Variants in DOCK2 observed in about 807,000 individuals in gnomAD.
The protein encoded by DOCK2 is dedicator of cytokinesis protein 2.
DOCK2 carries 87 observed loss-of-function variants against 248.9 expected under a neutral mutation model. The ratio of observed to expected loss-of-function variants is 0.35; its 90% CI spans 0.29 to 0.42. The LOEUF (loss-of-function observed/expected upper bound fraction) is 0.42. Among genes scored for constraint, DOCK2 ranks in the 10% least tolerant of loss-of-function variants. The probability of loss-of-function intolerance (pLI) is 1.00; values close to 1 mark genes in which losing one functional copy is unlikely to be tolerated. For missense variants in DOCK2, 1,747 were observed against 2,300.2 expected, an observed-to-expected ratio of 0.76 and a Z score of 4.92; for synonymous variants, 805 against 821.6, an observed-to-expected ratio of 0.98 and a Z score of 0.35.
intron 49 of DOCK2, 154 bp downstream of exon 49, chr5:170,079,300 G>C (rs1293856299): frequency 3.7e-6 from 4 of 1,087,134 alleles, no homozygotes; most frequent in Non-Finnish European, 5.2e-6. Flanking sequence ...GAGCTGAGAG[G>C]TGAAGTGCTT....
chr5:169,985,849 A>T lies in DOCK2; in HGVS notation c.2920A>T (p.Ile974Phe). 6.2e-7 allele frequency: 1 copy of T among 1,610,304 alleles called. No homozygotes were observed. The highest frequency in any genetic ancestry group is 8.5e-7 in the Non-Finnish European group (1 of 1,177,712). The stretch of plus-strand genomic sequence containing the variant: ...TCAGGACTTCTTGATGGAGACCTTC[A>T]TCATGTTCAAGGACCTCATTGGAAA... Reference protein sequence around the residue: ...ELVDFLMETFIMFKDLIGKNV... With the variant: ...ELVDFLMETFFMFKDLIGKNV... The change falls in exon 29 of 52, where the codon ATC becomes TTC. Residue 974 changes from isoleucine (I) to phenylalanine (F), a missense_variant. Around this residue, in one of 4 missense-constraint regions of DOCK2, gnomAD observed 858 missense variants for 1,183.5 expected, o/e 0.72. Coordinates refer to ENST00000520908, the MANE Select transcript of DOCK2 (RefSeq NM_004946.3).
At chr5:169,857,866 C>G (rs1177024862) in intron 27 of DOCK2, among the ~76,000 whole-genome samples, 1 of 151,914 alleles carries the variant, frequency 6.6e-6, no homozygotes, top group African/African-American at 2.4e-5. Context: ...TGCAGATATT[C>G]TCAATTAAAA....
intron 27 of DOCK2, among the ~76,000 whole-genome samples, chr5:169,842,816 CT>C (rs536867560): frequency 6.3e-4 from 96 of 152,248 alleles, no homozygotes; most frequent in African/African-American, 2.2e-3. Context: ...GGCTCTCTGT[CT>C]TTTGCATTAT....
intron 27 of DOCK2, among the ~76,000 whole-genome samples, chr5:169,938,926 T>A (rs1413292736): frequency 7.6e-6 from 1 of 132,416 alleles, no homozygotes; most frequent in Non-Finnish European, 1.6e-5. Context: ...TTTTTTGAAA[T>A]GGAGTCTTGC....
intron 27 of DOCK2, among the ~76,000 whole-genome samples, chr5:169,933,167 T>C (rs141340381): frequency 3.9e-5 from 6 of 152,338 alleles, no homozygotes; most frequent in South Asian, 2.1e-4. Context: ...AATTCACCTT[T>C]TGGTGTACCC....
At chr5:169,952,594 A>G (rs1292269421) in intron 27 of DOCK2, among the ~76,000 whole-genome samples, 1 of 152,152 alleles carries the variant, frequency 6.6e-6, no homozygotes, top group Non-Finnish European at 1.5e-5. Context: ...TACAGGAGTC[A>G]ATACAACTGA....
At chr5:169,805,969 T>C (rs1349563386) in intron 26 of DOCK2, among the ~76,000 whole-genome samples, 5 of 152,218 alleles carry the variant, frequency 3.3e-5, no homozygotes, top group Non-Finnish European at 2.9e-5. Context: ...AATACTGTTA[T>C]CACCATTGAA....
chr5:169,904,816 G>A (rs1370236844), intron 27 of DOCK2, among the ~76,000 whole-genome samples: 1 of 152,154 alleles, frequency 6.6e-6, no homozygotes, highest in African/African-American at 2.4e-5. Flanking sequence ...GTCACTCCTA[G>A]TAGCAACACA....
At chr5:169,977,443 A>C (rs942722820) in intron 27 of DOCK2, among the ~76,000 whole-genome samples, 1 of 152,188 alleles carries the variant, frequency 6.6e-6, no homozygotes, top group East Asian at 1.9e-4. Context: ...GCTATTATCG[A>C]GGGCTTTCCG....
Position 169,904,326 on chromosome 5 carries a change from C to T in DOCK2, c.2799+63474C>T, listed in dbSNP as rs993334222. Among the ~76,000 whole-genome samples, 11 of 152,152 alleles carry T rather than the reference C, an allele frequency of 7.2e-5. No homozygotes were observed. In the East Asian group the frequency reaches 7.7e-4, roughly 11 times the overall value. ...AGTTGTCCCTTCCTTTTTCTTGCAA[C>T]GCTGGGCTTGCTGAGTAGCTGAGAT... On this transcript the variant is annotated intron_variant, in intron 27 of 51. Coordinates refer to ENST00000520908, the MANE Select transcript of DOCK2 (RefSeq NM_004946.3).
At chr5:170,012,920 C>T (rs1293069114) in intron 32 of DOCK2, among the ~76,000 whole-genome samples, 2 of 152,034 alleles carry the variant, frequency 1.3e-5, no homozygotes, top group South Asian at 2.1e-4. Context: ...GGCCAAGCCT[C>T]GAGGGCAATT....
chr5:170,000,532 T>C (rs1447007776), intron 30 of DOCK2: 2 of 152,194 alleles, frequency 1.3e-5, no homozygotes, highest in Non-Finnish European at 2.9e-5. Flanking sequence ...GACAGCTCTA[T>C]TTAGATCCAG....
At chr5:169,865,589 A>G (rs1235018661) in intron 27 of DOCK2, among the ~76,000 whole-genome samples, 1 of 152,224 alleles carries the variant, frequency 6.6e-6, no homozygotes, top group Admixed American at 6.5e-5. Context: ...TTTCAGTGCC[A>G]AGATGCTTAT....
At chr5:169,950,678 G>A (rs1776626391) in intron 27 of DOCK2, among the ~76,000 whole-genome samples, 1 of 152,194 alleles carries the variant, frequency 6.6e-6, no homozygotes, top group Non-Finnish European at 1.5e-5. Flanking sequence ...CCAATGTTGT[G>A]TTCCTCTGGG....
intron 1 of DOCK2, among the ~76,000 whole-genome samples, chr5:169,637,744 A>G (rs1467653582): frequency 1.3e-5 from 2 of 152,170 alleles, no homozygotes; most frequent in African/African-American, 2.4e-5. Context: ...CCCCTGGCTC[A>G]GCCTTGGCCT....
chr5:170,081,685 A>G, intron 50 of DOCK2, 157 bp from the exon 51 acceptor site: 1 of 808,540 alleles, frequency 1.2e-6, no homozygotes, highest in Non-Finnish European at 1.9e-6. Context: ...GTCCCCTGGC[A>G]CGGCAGGAAA....
At chr5:169,649,798 AT>A (rs1034567281) in intron 1 of DOCK2, among the ~76,000 whole-genome samples, 6 of 149,466 alleles carry the variant, frequency 4.0e-5, no homozygotes, top group Middle Eastern at 3.5e-3. Context: ...AGTGCTAGGG[AT>A]TTTTTTTTCT....
At chr5:170,027,795 A>G (rs1581538216) in intron 33 of DOCK2, 68 bp from the exon 34 acceptor site, 1 of 1,454,728 alleles carries the variant, frequency 6.9e-7, no homozygotes, top group African/African-American at 1.4e-5. Context: ...GGTTGAAATA[A>G]TGAATTGACT....
At chr5:169,844,878 C>T (rs930524715) in intron 27 of DOCK2, among the ~76,000 whole-genome samples, 2 of 151,882 alleles carry the variant, frequency 1.3e-5, no homozygotes, top group African/African-American at 4.8e-5. Context: ...TGAATTAAAT[C>T]GTATAATACA....
Sources: allele counts gnomAD v4.1 joint callset (sites outside exome capture counted in the v4.1 genomes callset), GRCh38; gene constraint gnomAD v4.1.1; regional missense constraint gnomAD v4.1.1; transcripts MANE v1.5; gene names NCBI Gene and HGNC (gene_info 2026-07-23, HGNC 2026-07-21).